The following SCFD2 variants were observed in gnomAD, a reference collection of about 807,000 sequenced individuals.
SCFD2 encodes sec1 family domain containing 2.
Under a neutral mutation model 58.9 loss-of-function variants are expected in SCFD2, and 54 were observed. The ratio of observed to expected loss-of-function variants is 0.92; its 90% confidence interval spans 0.74 to 1.15. The LOEUF (loss-of-function observed/expected upper bound fraction) is 1.15, where lower values mean the gene tolerates loss of function less well. SCFD2 is among the 50% of genes most tolerant of loss of function. SCFD2 has a pLI of 0.00. For synonymous variants in SCFD2, 321 were observed against 335.9 expected (o/e 0.96, Z 0.49); for missense variants, 805 against 836.6 (o/e 0.96, Z 0.47).
intron 5 of SCFD2, among the ~76,000 whole-genome samples, chr4:52,996,670 C>A (rs1721747546): frequency 6.6e-6 from 1 of 152,228 alleles, no homozygotes; most frequent in African/African-American, 2.4e-5. Context: ...CCCATCTCAT[C>A]TCAGAAAACC....
chr4:53,154,008 T>C (rs1173041157), intron 4 of SCFD2, among the ~76,000 whole-genome samples: 2 of 152,208 alleles, frequency 1.3e-5, no homozygotes, highest in Non-Finnish European at 1.5e-5. Flanking sequence ...TCACAACTAT[T>C]GAACCACTCT....
intron 3 of SCFD2, among the ~76,000 whole-genome samples, chr4:53,293,965 C>G (rs757491446): frequency 2.5e-4 from 38 of 150,630 alleles, no homozygotes; most frequent in Non-Finnish European, 5.0e-4. Context: ...CGACTTATGA[C>G]TGAGAACATG....
chr4:52,912,001 C>T (rs146572158), intron 6 of SCFD2, among the ~76,000 whole-genome samples: 1 of 152,160 alleles, frequency 6.6e-6, no homozygotes, highest in African/African-American at 2.4e-5. Context: ...GCTGCCCCTC[C>T]TCTAGACTTT....
At chr4:52,902,460 T>TG (rs1003377421) in intron 7 of SCFD2, among the ~76,000 whole-genome samples, 1 of 152,216 alleles carries the variant, frequency 6.6e-6, no homozygotes, top group African/African-American at 2.4e-5. Context: ...ACTTCTTCTT[T>TG]GGGGGGCAGT....
At chr4:53,327,214 AG>A (rs1226343893) in intron 2 of SCFD2, among the ~76,000 whole-genome samples, 1 of 151,932 alleles carries the variant, frequency 6.6e-6, no homozygotes, top group East Asian at 1.9e-4. Flanking sequence ...GGATCCAAGC[AG>A]GAAGAGGAAG....
intron 5 of SCFD2, among the ~76,000 whole-genome samples, chr4:53,109,126 T>C (rs1336528727): frequency 6.6e-6 from 1 of 152,142 alleles, no homozygotes; most frequent in South Asian, 2.1e-4. Flanking sequence ...CACATGATTA[T>C]CTCAACAGAT....
chr4:53,294,681 T>C (rs1224835648), intron 3 of SCFD2, among the ~76,000 whole-genome samples: 1 of 152,220 alleles, frequency 6.6e-6, no homozygotes, highest in African/African-American at 2.4e-5. Context: ...CTGTTGCCAT[T>C]GCTTTTGGTG....
At chr4:53,119,618 T>G (rs1017179073) in intron 5 of SCFD2, among the ~76,000 whole-genome samples, 1 of 152,182 alleles carries the variant, frequency 6.6e-6, no homozygotes, top group African/African-American at 2.4e-5. Flanking sequence ...CTCCATAAGG[T>G]TAGCATATAC....
At chr4:53,007,463 T>A (rs1722004561) in intron 5 of SCFD2, among the ~76,000 whole-genome samples, 1 of 151,498 alleles carries the variant, frequency 6.6e-6, no homozygotes, top group Non-Finnish European at 1.5e-5. Flanking sequence ...TACTGATAAT[T>A]GTTGCTTTGA....
At chr4:53,155,651 T>C (rs1309562075) in intron 4 of SCFD2, among the ~76,000 whole-genome samples, 6 of 152,216 alleles carry the variant, frequency 3.9e-5, no homozygotes, top group Non-Finnish European at 7.3e-5. Context: ...CCAGTGCATG[T>C]CTTCAGGGAT....
At position 53,200,558 on chromosome 4, in the gene SCFD2, C is replaced by T. The variant is rs754070926; in HGVS notation, c.1312-54976G>A. ...GTTTTTCCTCTACTTAAGGTAAAAG[C>T]AATAATCTGTTTCTGGAAAGAACAC... On this transcript the variant is annotated intron_variant, in intron 4 of 8. Coordinates refer to ENST00000401642, the MANE Select transcript of SCFD2 (RefSeq NM_152540.4). Among the ~76,000 whole-genome samples the T allele has an allele frequency of 5.9e-5, 9 of 151,996 alleles. No individual in the cohort carries two copies. In the South Asian group the frequency reaches 6.2e-4, roughly 10 times the overall value.
intron 6 of SCFD2, among the ~76,000 whole-genome samples, chr4:52,908,304 C>T (rs773477403): frequency 5.3e-5 from 8 of 152,204 alleles, no homozygotes; most frequent in Non-Finnish European, 7.3e-5. Context: ...GAGCCAGCCG[C>T]CTTATTGACC....
chr4:53,181,079 AG>A (rs1300698116), intron 4 of SCFD2, among the ~76,000 whole-genome samples: 1 of 152,224 alleles, frequency 6.6e-6, no homozygotes, highest in East Asian at 1.9e-4. Context: ...AGAGGTACAA[AG>A]AGGACCTGGT....
At chr4:52,917,928 G>A in intron 6 of SCFD2, among the ~76,000 whole-genome samples, 1 of 152,206 alleles carries the variant, frequency 6.6e-6, no homozygotes, top group Non-Finnish European at 1.5e-5. Flanking sequence ...GTGGCTCTGA[G>A]ACTTAGTGCA....
In SCFD2 at chr4:53,229,523, G is replaced by C. The variant is rs542495352; in HGVS notation, c.1311+44303C>G. ...CTGACAAAAACAAGCAATGGGGAAAGGATTCCCTATTTAATAAATGGTGCT... is the reference window on the plus strand; with the variant it reads ...CTGACAAAAACAAGCAATGGGGAAACGATTCCCTATTTAATAAATGGTGCT... On this transcript the variant is annotated intron_variant, in intron 4 of 8. Coordinates refer to ENST00000401642, the MANE Select transcript of SCFD2 (RefSeq NM_152540.4). Among the ~76,000 whole-genome samples, 44 of 152,286 alleles carry C rather than the reference G, an allele frequency of 2.9e-4. No homozygotes were observed. The South Asian group carries it at 8.3e-3, about 29-fold the overall frequency.
intron 5 of SCFD2, among the ~76,000 whole-genome samples, chr4:53,117,957 T>C (rs1725371852): frequency 6.6e-6 from 1 of 152,174 alleles, no homozygotes; most frequent in East Asian, 1.9e-4. Context: ...TCTTATTTTT[T>C]TAAAGAAAAT....
rs760586280 is a variant in SCFD2, at chr4:53,365,459, G to A, written c.483C>T (p.Ala161=). 2 of 1,614,152 alleles carry A rather than the reference G, an allele frequency of 1.2e-6. No individual in the cohort carries two copies. The highest frequency in any genetic ancestry group is 8.5e-7 in the Non-Finnish European group (1 of 1,180,022). Residue 161 remains alanine (A), a synonymous_variant, in exon 1 of 9, where the codon GCC becomes GCT. Coordinates refer to ENST00000401642, the MANE Select transcript of SCFD2 (RefSeq NM_152540.4). The surrounding 1 kb of genome is among the most constrained non-coding windows in gnomAD (Gnocchi z 4.3). ...TCAAGGCAAAGTGGGGAGCAACAGG[G>A]GCAAGCAATAACGGGACATGGAACA... ...AEVFHVPLLL[A]PVAPHFALTP... is the part of the protein sequence containing the mutation.
At chr4:53,322,242 C>T (rs60960188) in intron 2 of SCFD2, among the ~76,000 whole-genome samples, 3 of 152,184 alleles carry the variant, frequency 2.0e-5, no homozygotes, top group Middle Eastern at 3.4e-3. Context: ...GTAAAGAAGC[C>T]GACCAAAACC....
intron 5 of SCFD2, among the ~76,000 whole-genome samples, chr4:53,138,035 T>G (rs1317022967): frequency 1.3e-5 from 2 of 152,192 alleles, no homozygotes; most frequent in African/African-American, 2.4e-5. Context: ...TATGCAAACA[T>G]TCTCATTGTC....
Sources: allele counts gnomAD v4.1 joint callset (sites outside exome capture counted in the v4.1 genomes callset), GRCh38; gene constraint gnomAD v4.1.1; non-coding constraint Gnocchi (gnomAD v3.1); transcripts MANE v1.5; gene names NCBI Gene and HGNC (gene_info 2026-07-23, HGNC 2026-07-21).